ULK4: variants seen among roughly 807,000 people sequenced by gnomAD.
ULK4 encodes unc-51 like kinase 4.
ULK4 carries 133 observed loss-of-function variants against 160.6 expected under a neutral mutation model. The ratio of observed to expected loss-of-function variants is 0.83; its 90% CI spans 0.72 to 0.96. ULK4 has a LOEUF of 0.96. Ranked by LOEUF, ULK4 falls within the 40% of genes least tolerant of loss-of-function variation. ULK4 has a pLI of 0.00. For missense variants in ULK4, 1,580 were observed against 1,499.5 expected, an observed-to-expected ratio of 1.05 and a Z score of -0.89; for synonymous variants, 534 against 539.8, an observed-to-expected ratio of 0.99 and a Z score of 0.15.
intron 18 of ULK4, among the ~76,000 whole-genome samples, chr3:41,821,911 G>C (rs1052129469): frequency 2.6e-5 from 4 of 151,916 alleles, no homozygotes; most frequent in African/African-American, 9.7e-5. Flanking sequence ...ATCCCTCTTA[G>C]TCCTTTAAAT....
chr3:41,824,408 T>A (rs1038792725), intron 18 of ULK4, among the ~76,000 whole-genome samples: 5 of 152,048 alleles, frequency 3.3e-5, no homozygotes, highest in Admixed American at 1.3e-4. Flanking sequence ...GTGAATTCCC[T>A]TCCCTAGTCA....
intron 25 of ULK4, among the ~76,000 whole-genome samples, chr3:41,714,861 A>AAAAAAAAAAG (rs2037213493): frequency 6.6e-6 from 1 of 151,728 alleles, no homozygotes; most frequent in Admixed American, 6.6e-5. Flanking sequence ...TTAAAAAAAA[A>AAAAAAAAAAG]AAAGAAACTG....
intron 35 of ULK4, among the ~76,000 whole-genome samples, chr3:41,359,117 G>A (rs1384394258): frequency 6.6e-6 from 1 of 152,314 alleles, no homozygotes; most frequent in South Asian, 2.1e-4. Flanking sequence ...ACTTGCTGAT[G>A]CAAGGTCTGA....
chr3:41,944,845 G>GT (rs1417234656), intron 2 of ULK4, among the ~76,000 whole-genome samples: 2 of 152,134 alleles, frequency 1.3e-5, no homozygotes, highest in African/African-American at 4.8e-5. Flanking sequence ...CAAATCCTCA[G>GT]TCCTCACCTT....
At chr3:41,506,726 G>T (rs1185303934) in intron 32 of ULK4, among the ~76,000 whole-genome samples, 29 of 113,112 alleles carry the variant, frequency 2.6e-4, no homozygotes, top group Non-Finnish European at 4.3e-4. Flanking sequence ...TGTTATTTTA[G>T]ACCACAGTTC....
At chr3:41,284,882 TCAAA>T (rs1416348480) in intron 35 of ULK4, among the ~76,000 whole-genome samples, 8 of 151,822 alleles carry the variant, frequency 5.3e-5, no homozygotes. Flanking sequence ...TACAACACAC[TCAAA>T]CAAATCAGTA....
In ULK4 at chr3:41,681,508, T is replaced by A; in HGVS notation, c.2978A>T (p.Gln993Leu). The A allele has an allele frequency of 1.2e-6, 2 of 1,613,982 alleles. No homozygotes were observed. Among genetic ancestry groups the A allele is most frequent in the Non-Finnish European group, 1.7e-6 (2 of 1,179,938 alleles). Residue 993 changes from glutamine (Q) to leucine (L), a missense_variant and splice_region_variant, in exon 29 of 37, where the codon CAG (glutamine) becomes CTG (leucine). Transcript: ENST00000301831. ...LALIRDVLLP[Q>L]YEHILLEPDP... ...ATGAATACAACTGCATGATACTTACTGGGGAAGTAAGACATCTCGAATGAG... is the reference window on the plus strand; with the variant it reads ...ATGAATACAACTGCATGATACTTACAGGGGAAGTAAGACATCTCGAATGAG...
In ULK4 at chr3:41,474,821, T is replaced by TAAAA. The variant is rs34840621; in HGVS notation, c.3227-11572_3227-11569dup. Among the ~76,000 whole-genome samples, 278 of 140,846 alleles carry TAAAA rather than the reference T, an allele frequency of 2.0e-3. 2 individuals carry two copies. The highest frequency in any genetic ancestry group is 8.3e-3 in the East Asian group (41 of 4,928). 92.4% of individuals were successfully genotyped at this position (140,846 alleles called of 152,430 possible). On this transcript the variant is annotated intron_variant, in intron 32 of 36. Transcript: ENST00000301831. ...TTACATCTGTCAGAATGATTATTAT[T>TAAAA]AAAAAAAAAAAAAGAAAACAAACAT...
At chr3:41,569,059 G>A (rs1252718662) in intron 31 of ULK4, among the ~76,000 whole-genome samples, 1 of 152,228 alleles carries the variant, frequency 6.6e-6, no homozygotes, top group East Asian at 1.9e-4. Context: ...CATAGTGCAA[G>A]GTATGGGGGA....
chr3:41,520,600 G>A (rs1222046081), intron 32 of ULK4, among the ~76,000 whole-genome samples: 1 of 152,134 alleles, frequency 6.6e-6, no homozygotes, highest in East Asian at 1.9e-4. Flanking sequence ...TCAATCATAT[G>A]TAATTCCTTA....
chr3:41,343,202 G>C (rs919604144), intron 35 of ULK4, among the ~76,000 whole-genome samples: 4 of 151,702 alleles, frequency 2.6e-5, no homozygotes, highest in Non-Finnish European at 5.9e-5. Context: ...GAAAATAAAG[G>C]GTATTCAAAT....
chr3:41,272,502 G>T (rs573353797), intron 35 of ULK4, among the ~76,000 whole-genome samples: 27 of 151,468 alleles, frequency 1.8e-4, no homozygotes, highest in Non-Finnish European at 2.4e-4. Context: ...TGCATGTAAT[G>T]CTTCCTTTTC....
intron 34 of ULK4, among the ~76,000 whole-genome samples, chr3:41,421,245 A>C (rs1188622623): frequency 2.0e-5 from 3 of 152,220 alleles, no homozygotes; most frequent in Non-Finnish European, 4.4e-5. Flanking sequence ...TAGGTATAAC[A>C]ATCTTATTAA....
intron 34 of ULK4, among the ~76,000 whole-genome samples, chr3:41,409,312 G>A (rs1193936148): frequency 6.6e-6 from 1 of 152,090 alleles, no homozygotes; most frequent in Non-Finnish European, 1.5e-5. Flanking sequence ...CAAGTCTTGT[G>A]ACCTTAGGTT....
intron 22 of ULK4, among the ~76,000 whole-genome samples, chr3:41,744,071 A>C (rs989862786): frequency 3.3e-5 from 5 of 151,942 alleles, no homozygotes; most frequent in African/African-American, 1.2e-4. Flanking sequence ...ACCACTAAGG[A>C]AACTATGCAA....
intron 17 of ULK4, among the ~76,000 whole-genome samples, chr3:41,839,182 T>C (rs936177172): frequency 6.6e-6 from 1 of 151,912 alleles, no homozygotes; most frequent in African/African-American, 2.4e-5. Context: ...ACCCCGTCTC[T>C]ACTAAAAATT....
chr3:41,746,272 CAAAAA>C (rs34582395), intron 22 of ULK4, among the ~76,000 whole-genome samples: 137 of 45,718 alleles, frequency 3.0e-3, no homozygotes, highest in African/African-American at 0.013. Context: ...CTGGAACCCA[CAAAAA>C]AAAAAAAAAA....
At chr3:41,467,319 G>A (rs2083859437) in intron 32 of ULK4, among the ~76,000 whole-genome samples, 1 of 152,096 alleles carries the variant, frequency 6.6e-6, no homozygotes, top group Non-Finnish European at 1.5e-5. Flanking sequence ...CTTGAGGCAG[G>A]AATTCGAGAC....
At chr3:41,550,270 C>T (rs1467564234) in intron 32 of ULK4, among the ~76,000 whole-genome samples, 2 of 151,938 alleles carry the variant, frequency 1.3e-5, no homozygotes, top group African/African-American at 4.8e-5. Flanking sequence ...TAAAAAATGA[C>T]TGAAATAAGT....
Sources: allele counts gnomAD v4.1 joint callset (sites outside exome capture counted in the v4.1 genomes callset), GRCh38; gene constraint gnomAD v4.1.1; transcripts MANE v1.5; gene names NCBI Gene and HGNC (gene_info 2026-07-23, HGNC 2026-07-21).